NDE1: variants seen among roughly 807,000 people sequenced by gnomAD.
NDE1 encodes nuclear distribution protein nudE homolog 1.
NDE1 carries 28 observed loss-of-function variants against 43.4 expected under a neutral mutation model. The observed-to-expected ratio is 0.65, with a 90% CI of 0.48 to 0.89. NDE1 has a LOEUF of 0.89. Ranked by LOEUF, NDE1 falls within the 40% of genes least tolerant of loss-of-function variation. NDE1 has a pLI of 0.00. For synonymous variants in NDE1, 184 were observed against 172.0 expected (o/e 1.07, Z -0.55); for missense variants, 441 against 434.1 (o/e 1.02, Z -0.14).
chr16:15,673,308 C>T (rs2037696642), intron 3 of NDE1, among the ~76,000 whole-genome samples: 1 of 151,950 alleles, frequency 6.6e-6, no homozygotes, highest in Non-Finnish European at 1.5e-5. Context: ...CTCCCGGGCT[C>T]AAGCGATTCC....
Position 15,725,098 on chromosome 16 carries a change from T to C in NDE1, c.*847T>C. ...ATGGGCTAGTACTTGAGGTGTTCAC[T>C]GATTGAGAAAATACCCGTGAGGTAT... On this transcript the variant is annotated 3_prime_UTR_variant, in exon 9 of 9. Transcript: ENST00000396354. 1 of 873,296 alleles carries C rather than the reference T, an allele frequency of 1.1e-6. No homozygotes were observed. The highest frequency in any genetic ancestry group is 2.0e-5 in the Admixed American group (1 of 49,862). The allele number at this position is 873,296 out of a possible 1,614,324, so 54.1% of individuals were successfully genotyped here.
chr16:15,721,186 AGAT>A, intron 8 of NDE1: 1 of 1,047,452 alleles, frequency 9.5e-7, no homozygotes, highest in Non-Finnish European at 1.4e-6. Context: ...CCGGGACTCA[AGAT>A]GACCCCTGAG....
At chr16:15,700,705 C>A (rs1486421490) in intron 8 of NDE1, among the ~76,000 whole-genome samples, 1 of 152,040 alleles carries the variant, frequency 6.6e-6, no homozygotes, top group Non-Finnish European at 1.5e-5. Context: ...CCCGCCTCAG[C>A]CTCCCAGAGT....
rs2040732944 is a variant in NDE1, at chr16:15,725,965, C to T, written c.*1714C>T. The T allele has an allele frequency of 8.7e-6, 3 of 344,746 alleles. No homozygotes were observed. The highest frequency in any genetic ancestry group is 2.1e-5 in the African/African-American group (1 of 47,444). The allele number at this position is 344,746 out of a possible 1,614,324, so 21.4% of individuals were successfully genotyped here. A position where few individuals can be genotyped will look rare whatever the true frequency, so the allele number is the denominator to read the frequency against. ...CCCCACTCTGTACTATCTCCCCCTA[C>T]CCCCAACCCCAGCTGGGCACTCCAG... On this transcript the variant is annotated 3_prime_UTR_variant, in exon 9 of 9. Coordinates refer to ENST00000396354, the MANE Select transcript of NDE1 (RefSeq NM_017668.3).
At chr16:15,668,413 C>T (rs1007979032) in intron 3 of NDE1, among the ~76,000 whole-genome samples, 4 of 152,130 alleles carry the variant, frequency 2.6e-5, no homozygotes, top group African/African-American at 7.2e-5. Context: ...TACAGGCATG[C>T]GGCACCATGC....
At chr16:15,720,752 G>C in intron 8 of NDE1, 1 of 1,420,082 alleles carries the variant, frequency 7.0e-7, no homozygotes, top group South Asian at 1.1e-5. Context: ...TAAAGAAAAC[G>C]AAGTTTCCAC....
intron 8 of NDE1, among the ~76,000 whole-genome samples, chr16:15,698,012 T>A (rs561903941): frequency 2.0e-5 from 3 of 151,972 alleles, no homozygotes; most frequent in African/African-American, 7.2e-5. Context: ...TTCACTGTGT[T>A]AGGATGGTCT....
In NDE1 at chr16:15,687,627, C is replaced by A. The variant is rs2038506349; in HGVS notation, c.523+116C>A. The A allele has an allele frequency of 3.0e-6, 3 of 1,015,460 alleles. No individual in the cohort carries two copies. In the East Asian group the frequency reaches 7.2e-5, roughly 24 times the overall value. The allele number at this position is 1,015,460 out of a possible 1,614,324, so 62.9% of individuals were successfully genotyped here. On this transcript the variant is annotated intron_variant, in intron 5 of 8. Coordinates refer to ENST00000396354, the MANE Select transcript of NDE1 (RefSeq NM_017668.3). ...CAGGGACCCCACACCCTGCTCTGCACCCAGGTTGTCTAATCAGAGGGTGTC... is the reference window on the plus strand; with the variant it reads ...CAGGGACCCCACACCCTGCTCTGCAACCAGGTTGTCTAATCAGAGGGTGTC...
At chr16:15,708,103 A>G (rs1311952773) in intron 8 of NDE1, among the ~76,000 whole-genome samples, 2 of 152,112 alleles carry the variant, frequency 1.3e-5, no homozygotes, top group African/African-American at 4.8e-5. Context: ...AGCCTCCAGA[A>G]AAGGCTCTGC....
At chr16:15,717,392 C>G in intron 8 of NDE1, 1 of 1,592,866 alleles carries the variant, frequency 6.3e-7, no homozygotes, top group Non-Finnish European at 8.5e-7. Flanking sequence ...CAGGGAAGCC[C>G]AAGAGAGCGC....
chr16:15,690,724 C>G (rs2038707461), intron 5 of NDE1, among the ~76,000 whole-genome samples: 1 of 152,088 alleles, frequency 6.6e-6, no homozygotes, highest in East Asian at 1.9e-4. Context: ...TGGAGTGTTT[C>G]ACCCCAGTAG....
intron 3 of NDE1, among the ~76,000 whole-genome samples, chr16:15,675,851 C>T (rs998056701): frequency 1.3e-5 from 2 of 152,210 alleles, no homozygotes; most frequent in Non-Finnish European, 2.9e-5. Flanking sequence ...CTTAAGGACA[C>T]CTGCTCAGGA....
intron 4 of NDE1, chr16:15,686,584 G>T (rs979684703): frequency 1.3e-5 from 13 of 974,546 alleles, no homozygotes; most frequent in Non-Finnish European, 2.4e-6. Context: ...AGGCTGAGGC[G>T]GGAGGATCTC....
chr16:15,675,598 G>A (rs1236408245), intron 3 of NDE1, among the ~76,000 whole-genome samples: 1 of 152,046 alleles, frequency 6.6e-6, no homozygotes, highest in Middle Eastern at 3.4e-3. Flanking sequence ...CACCACGCCT[G>A]GCTGTTTTCA....
At chr16:15,723,896 A>G (rs368697934) in intron 8 of NDE1, among the ~76,000 whole-genome samples, 2 of 152,354 alleles carry the variant, frequency 1.3e-5, no homozygotes, top group African/African-American at 4.8e-5. Context: ...CTAGAAACTA[A>G]GGCATCACCA....
At chr16:15,708,883 C>G (rs1316983468) in intron 8 of NDE1, 1 of 1,576,868 alleles carries the variant, frequency 6.3e-7, no homozygotes, top group African/African-American at 1.3e-5. Flanking sequence ...CATCAGCAAA[C>G]AAGAAGGAGC....
At chr16:15,723,843 A>C (rs937868170) in intron 8 of NDE1, among the ~76,000 whole-genome samples, 3 of 152,220 alleles carry the variant, frequency 2.0e-5, no homozygotes, top group Non-Finnish European at 4.4e-5. Flanking sequence ...GTATTCAGTA[A>C]ATACATTTAG....
chr16:15,697,496 G>C (rs748653197), intron 8 of NDE1, among the ~76,000 whole-genome samples: 2 of 152,056 alleles, frequency 1.3e-5, no homozygotes, highest in Non-Finnish European at 2.9e-5. Flanking sequence ...ATCACTTGAG[G>C]TCAGGAGTTC....
chr16:15,644,918 CTTTT>C (rs34053597), intron 1 of NDE1, among the ~76,000 whole-genome samples: 6 of 129,592 alleles, frequency 4.6e-5, no homozygotes, highest in East Asian at 2.2e-4. Flanking sequence ...TTCCTTTTTA[CTTTT>C]TTTTTTTTTT....
Sources: allele counts gnomAD v4.1 joint callset (sites outside exome capture counted in the v4.1 genomes callset), GRCh38; gene constraint gnomAD v4.1.1; transcripts MANE v1.5; gene names NCBI Gene and HGNC (gene_info 2026-07-23, HGNC 2026-07-21).